ADGB: variants seen among roughly 807,000 people sequenced by gnomAD.
ADGB encodes the protein calpain-7-like protein.
In ADGB, 172 loss-of-function variants were observed where a neutral mutation model predicts 210.5. That is an observed-to-expected ratio of 0.82 (90% CI 0.72 to 0.93). ADGB has a LOEUF of 0.93. ADGB is among the 40% of genes least tolerant of loss of function. The pLI is 0.00. For missense variants in ADGB, 2,025 were observed against 1,964.8 expected, an observed-to-expected ratio of 1.03 and a Z score of -0.58; for synonymous variants, 658 against 662.7, an observed-to-expected ratio of 0.99 and a Z score of 0.11.
chr6:146,812,887 T>C (rs1778323022), intron 35 of ADGB, among the ~76,000 whole-genome samples: 1 of 152,192 alleles, frequency 6.6e-6, no homozygotes, highest in African/African-American at 2.4e-5. Context: ...GTGCAATGCT[T>C]TGACACAAGG....
At chr6:146,714,120 T>A (rs958433723) in intron 13 of ADGB, among the ~76,000 whole-genome samples, 1 of 152,208 alleles carries the variant, frequency 6.6e-6, no homozygotes, top group African/African-American at 2.4e-5. Flanking sequence ...TTCTTTCATA[T>A]AAGAATCTCT....
intron 11 of ADGB, among the ~76,000 whole-genome samples, chr6:146,692,043 T>G (rs749318245): frequency 4.6e-5 from 7 of 152,112 alleles, no homozygotes; most frequent in Non-Finnish European, 1.0e-4. Flanking sequence ...AAATGTTATA[T>G]TTTGGTTAAA....
chr6:146,656,631 C>T, intron 4 of ADGB, 140 bp from the exon 5 acceptor site: 3 of 591,334 alleles, frequency 5.1e-6, no homozygotes, highest in Non-Finnish European at 8.2e-6. Context: ...TTCTGTAGAT[C>T]AGAAATGAAA....
At chr6:146,696,133 T>C (rs113130047) in intron 12 of ADGB, among the ~76,000 whole-genome samples, 3,457 of 151,908 alleles carry the variant, frequency 0.023, 64 homozygotes, top group Middle Eastern at 0.058. Flanking sequence ...TAGAGTGCAG[T>C]GGAGCAATCT....
intron 1 of ADGB, among the ~76,000 whole-genome samples, chr6:146,615,025 C>T (rs1006227993): frequency 2.0e-5 from 3 of 151,932 alleles, no homozygotes; most frequent in Non-Finnish European, 4.4e-5. Context: ...CTCAGCCTCC[C>T]GAGTAGCTGG....
At chr6:146,768,893 T>C (rs1777613432) in intron 28 of ADGB, 127 bp from the exon 29 acceptor site, 1 of 485,360 alleles carries the variant, frequency 2.1e-6, no homozygotes, top group Non-Finnish European at 3.7e-6. Context: ...TCCAGCATGA[T>C]TTAACTAAAT....
chr6:146,605,744 A>AAACGT (rs1304467682), intron 1 of ADGB, among the ~76,000 whole-genome samples: 2 of 152,124 alleles, frequency 1.3e-5, no homozygotes, highest in East Asian at 3.9e-4. Flanking sequence ...TAAGTGTAAA[A>AAACGT]AACGTAGCAA....
Position 146,784,600 on chromosome 6 carries a change from A to G in ADGB, c.4036-18A>G. ...AAGAAGGAAAGCATGCAAAACCCAA[A>G]GGTTTTTATTTTATCAGATATCCAC... On this transcript the variant is annotated intron_variant, in intron 30 of 35. Transcript: ENST00000397944. 1.3e-6 allele frequency: 2 copies of G among 1,495,936 alleles called. No individual in the cohort carries two copies. The highest frequency in any genetic ancestry group is 2.7e-5 in the South Asian group (2 of 74,190). The allele number at this position is 1,495,936 out of a possible 1,614,324, so 92.7% of individuals were successfully genotyped here.
intron 16 of ADGB, 107 bp downstream of exon 16, chr6:146,717,706 T>C: frequency 1.8e-6 from 1 of 553,914 alleles, no homozygotes; most frequent in Non-Finnish European, 3.0e-6. Context: ...GTAACATAGT[T>C]ATATTTTTAA....
At chr6:146,734,755 T>C (rs543002303) in intron 22 of ADGB, among the ~76,000 whole-genome samples, 2 of 151,778 alleles carry the variant, frequency 1.3e-5, no homozygotes, top group South Asian at 2.1e-4. Flanking sequence ...ACAAAAAATA[T>C]AAAAATTAGC....
At chr6:146,659,351 G>T (rs191834739) in intron 5 of ADGB, among the ~76,000 whole-genome samples, 1 of 151,952 alleles carries the variant, frequency 6.6e-6, no homozygotes. Context: ...TTTCTTTCCC[G>T]TTTCCCATCT....
intron 13 of ADGB, among the ~76,000 whole-genome samples, chr6:146,708,234 A>G (rs1386999394): frequency 6.6e-6 from 1 of 152,086 alleles, no homozygotes; most frequent in Non-Finnish European, 1.5e-5. Context: ...CCTTCATACT[A>G]AAGATGTAAG....
rs761807379 is a variant in ADGB at position 146,635,615 on chromosome 6, G to A, written c.237+78G>A. The stretch of plus-strand genomic sequence containing the variant: ...GGAATGAGATTTGTAAACATAAAAA[G>A]GTATTCATTCTTCTCCATAATGTGC... On this transcript the variant is annotated intron_variant, in intron 2 of 35. Transcript: ENST00000397944. The A allele has an allele frequency of 1.2e-4, 157 of 1,362,054 alleles. 1 individual carries two copies. The Middle Eastern group carries it at 2.6e-3, about 23-fold the overall frequency. 84.4% of individuals were successfully genotyped at this position (1,362,054 alleles called of 1,614,324 possible). A position where few individuals can be genotyped will look rare whatever the true frequency, so the allele number is the denominator to read the frequency against.
Position 146,614,219 on chromosome 6 carries a change from C to CCCTT in ADGB, c.74+15131_74+15134dup, listed in dbSNP as rs57639198. 1.2e-3 allele frequency among the ~76,000 whole-genome samples: 57 copies of CCCTT among 48,548 alleles called. 1 individual carries two copies. Among genetic ancestry groups the CCCTT allele is most frequent in the South Asian group, 4.1e-3 (6 of 1,462 alleles). The allele number at this position is 48,548 out of a possible 152,430, so 31.8% of individuals were successfully genotyped here. ...TCCCTCCCTTCCTCCCTTCCTTCCT[C>CCCTT]CCTTCCTTCCTTCCTTCCTTCCTTC... On this transcript the variant is annotated intron_variant, in intron 1 of 35. Transcript: ENST00000397944.
rs776337413 is a variant in ADGB at position 146,663,035 on chromosome 6, TTAA to T, written c.613-1160_613-1158del. On this transcript the variant is annotated intron_variant, in intron 5 of 35. Transcript: ENST00000397944. The stretch of plus-strand genomic sequence containing the variant: ...TATATCTTCATAATTTTATATAATC[TTAA>T]TAATATAGATCAAAATAATCTTATT... Among the ~76,000 whole-genome samples, 148 of 143,774 alleles carry T rather than the reference TTAA, an allele frequency of 1.0e-3. 2 individuals are homozygous for T. The highest frequency in any genetic ancestry group is 8.5e-4 in the South Asian group (4 of 4,696). 94.3% of individuals were successfully genotyped at this position (143,774 alleles called of 152,430 possible). A position where few individuals can be genotyped will look rare whatever the true frequency, so the allele number is the denominator to read the frequency against.
chr6:146,630,236 AAAAAAT>A (rs954159896), intron 1 of ADGB, among the ~76,000 whole-genome samples: 8 of 152,048 alleles, frequency 5.3e-5, no homozygotes, highest in Admixed American at 1.3e-4. Context: ...AAACTCCGTC[AAAAAAT>A]AAAAATAAAA....
intron 1 of ADGB, among the ~76,000 whole-genome samples, chr6:146,622,381 A>G (rs1181436171): frequency 6.6e-6 from 1 of 150,944 alleles, no homozygotes; most frequent in Non-Finnish European, 1.5e-5. Flanking sequence ...TTTCAAGCTC[A>G]TTTACGTTTT....
chr6:146,679,269 C>T (rs73571876), intron 9 of ADGB, among the ~76,000 whole-genome samples: 6,407 of 152,256 alleles, frequency 0.042, 391 homozygotes, highest in African/African-American at 0.14. Context: ...ATACCCCTTT[C>T]ACTCTTCTTC....
intron 25 of ADGB, among the ~76,000 whole-genome samples, chr6:146,744,222 C>T (rs1459730762): frequency 6.6e-6 from 1 of 152,092 alleles, no homozygotes; most frequent in Non-Finnish European, 1.5e-5. Context: ...TCAAGAGACA[C>T]CTCAAGAGAG....
Sources: gnomAD v4.1 joint callset for allele counts (sites outside exome capture counted in the v4.1 genomes callset) on GRCh38, gnomAD v4.1.1 for gene constraint, MANE v1.5 for transcripts, NCBI Gene and HGNC (gene_info 2026-07-23, HGNC 2026-07-21) for gene names.